Variants in SORCS3 observed in about 807,000 individuals in gnomAD.
SORCS3 encodes the protein VPS10 domain-containing receptor SorCS3.
Under a neutral mutation model 146.3 loss-of-function variants are expected in SORCS3, and 57 were observed. The ratio of observed to expected loss-of-function variants is 0.39; its 90% CI spans 0.31 to 0.49. The LOEUF is 0.49. Ranked by LOEUF, SORCS3 falls within the 20% of genes least tolerant of loss-of-function variation. The pLI is 0.92. For missense variants in SORCS3, 1,341 were observed against 1,575.5 expected (o/e 0.85, Z 2.52); for synonymous variants, 653 against 618.5 (o/e 1.06, Z -0.83).
chr10:104,976,913 G>A (rs2054901579), intron 3 of SORCS3, among the ~76,000 whole-genome samples: 1 of 152,012 alleles, frequency 6.6e-6, no homozygotes, highest in Non-Finnish European at 1.5e-5. Flanking sequence ...CTGTTGTGGG[G>A]TGGGGGAAGG....
At chr10:104,979,295 AACTTAT>A (rs1268496844) in intron 4 of SORCS3, among the ~76,000 whole-genome samples, 1 of 152,152 alleles carries the variant, frequency 6.6e-6, no homozygotes, top group South Asian at 2.1e-4. Context: ...ATATTTGATC[AACTTAT>A]ACTTAAGAAA....
chr10:104,781,454 A>AG (rs1406986239), intron 1 of SORCS3, among the ~76,000 whole-genome samples: 1 of 152,204 alleles, frequency 6.6e-6, no homozygotes, highest in African/African-American at 2.4e-5. Flanking sequence ...TGAGTGCATG[A>AG]GGTAGGTTCA....
chr10:105,037,067 T>G lies in SORCS3; in HGVS notation c.955-5988T>G, dbSNP rs552444852. 1.4e-4 allele frequency among the ~76,000 whole-genome samples: 21 copies of G among 152,318 alleles called. 1 individual carries two copies. The South Asian group carries it at 4.3e-3, about 32-fold the overall frequency. ...CATGAAGTCACATTTTGTTGCCTCT[T>G]CTGACTAAGTCTGGTCTACCCTCAT... On this transcript the variant is annotated intron_variant, in intron 4 of 26. Coordinates refer to ENST00000369701, the MANE Select transcript of SORCS3 (RefSeq NM_014978.3).
chr10:105,048,048 G>A (rs1231824223), intron 5 of SORCS3, among the ~76,000 whole-genome samples: 1 of 152,052 alleles, frequency 6.6e-6, no homozygotes, highest in Non-Finnish European at 1.5e-5. Flanking sequence ...GTGCTAGAGA[G>A]GATGTGGAGA....
At chr10:104,958,147 T>C (rs929764432) in intron 3 of SORCS3, among the ~76,000 whole-genome samples, 1 of 152,224 alleles carries the variant, frequency 6.6e-6, no homozygotes, top group African/African-American at 2.4e-5. Context: ...TGCTGTGCCC[T>C]CTGTCTCCTT....
chr10:104,790,947 T>C (rs555179969), intron 1 of SORCS3, among the ~76,000 whole-genome samples: 105 of 152,232 alleles, frequency 6.9e-4, no homozygotes, highest in Non-Finnish European at 1.3e-3. Context: ...ATAACACTCC[T>C]GCTTTGCATA....
chr10:104,964,819 C>A (rs2054817239), intron 3 of SORCS3, among the ~76,000 whole-genome samples: 1 of 152,120 alleles, frequency 6.6e-6, no homozygotes, highest in African/African-American at 2.4e-5. Flanking sequence ...CTCCAAATTT[C>A]TTTTCATCTT....
intron 20 of SORCS3, among the ~76,000 whole-genome samples, chr10:105,243,217 C>G (rs2056847260): frequency 6.6e-6 from 1 of 151,320 alleles, no homozygotes; most frequent in Admixed American, 6.6e-5. Context: ...GAAATTTTGC[C>G]TAAATCCATT....
chr10:105,009,522 A>C (rs1383761028), intron 4 of SORCS3, among the ~76,000 whole-genome samples: 3 of 68,524 alleles, frequency 4.4e-5, no homozygotes, highest in Non-Finnish European at 8.0e-5. Context: ...AAACAAACAA[A>C]CAAACAAAAA....
intron 1 of SORCS3, among the ~76,000 whole-genome samples, chr10:104,725,816 C>A (rs1332069289): frequency 6.6e-6 from 1 of 152,230 alleles, no homozygotes; most frequent in Non-Finnish European, 1.5e-5. Flanking sequence ...TTTGCTAAGA[C>A]CTTTGGAAAA....
intron 3 of SORCS3, among the ~76,000 whole-genome samples, chr10:104,940,204 T>TTATATATATATATATATATATATATATA (rs71022748): frequency 1.9e-5 from 1 of 53,018 alleles, no homozygotes; most frequent in Admixed American, 2.7e-4. Context: ...TCCTTTTCTT[T>TTATATATATATATATATATATATATATA]TATATATATA....
At chr10:104,693,092 T>C (rs1338799587) in intron 1 of SORCS3, among the ~76,000 whole-genome samples, 2 of 152,192 alleles carry the variant, frequency 1.3e-5, no homozygotes, top group African/African-American at 2.4e-5. Context: ...GGGATTGCAA[T>C]TCTTAGGGGA....
At chr10:104,784,875 A>G (rs1324375091) in intron 1 of SORCS3, among the ~76,000 whole-genome samples, 4 of 151,766 alleles carry the variant, frequency 2.6e-5, no homozygotes, top group African/African-American at 9.7e-5. Flanking sequence ...CATTCTGGAG[A>G]TGATGTTGAC....
At chr10:104,801,507 GATGA>G (rs1300577848) in intron 1 of SORCS3, among the ~76,000 whole-genome samples, 1 of 152,224 alleles carries the variant, frequency 6.6e-6, no homozygotes, top group Non-Finnish European at 1.5e-5. Context: ...ACCAGCCACA[GATGA>G]ATGCTCAATT....
At chr10:104,882,835 A>G (rs1056647626) in intron 2 of SORCS3, among the ~76,000 whole-genome samples, 3 of 152,224 alleles carry the variant, frequency 2.0e-5, no homozygotes, top group Non-Finnish European at 4.4e-5. Context: ...GAACATTTGT[A>G]CTAGAAAAAG....
intron 14 of SORCS3, among the ~76,000 whole-genome samples, chr10:105,192,093 C>T (rs950053417): frequency 6.6e-6 from 1 of 151,966 alleles, no homozygotes. Flanking sequence ...CATGCCCATA[C>T]TCACATTAAT....
At chr10:105,231,210 A>T (rs2056763561) in intron 20 of SORCS3, among the ~76,000 whole-genome samples, 1 of 152,202 alleles carries the variant, frequency 6.6e-6, no homozygotes, top group Non-Finnish European at 1.5e-5. Context: ...GTGATTGTCT[A>T]GTCACTATTT....
intron 17 of SORCS3, among the ~76,000 whole-genome samples, chr10:105,212,235 A>C (rs1431051518): frequency 6.6e-6 from 1 of 152,238 alleles, no homozygotes; most frequent in African/African-American, 2.4e-5. Context: ...AATGCATGCC[A>C]ACTATTTAGT....
chr10:104,751,959 A>ATATATATATATATG (rs2016992171), intron 1 of SORCS3, among the ~76,000 whole-genome samples: 1 of 112,030 alleles, frequency 8.9e-6, no homozygotes, highest in African/African-American at 3.7e-5. Context: ...ATATATATAT[A>ATATATATATATATG]TATATATATA....
Sources: gnomAD v4.1 joint callset for allele counts (sites outside exome capture counted in the v4.1 genomes callset) on GRCh38, gnomAD v4.1.1 for gene constraint, MANE v1.5 for transcripts, NCBI Gene and HGNC (gene_info 2026-07-23, HGNC 2026-07-21) for gene names.